CD74: variants seen among roughly 807,000 people sequenced by gnomAD.
CD74 encodes the protein CD74 molecule.
A neutral mutation model predicts 37.1 loss-of-function variants in CD74; 20 were observed. The ratio of observed to expected loss-of-function variants is 0.54; its 90% CI spans 0.38 to 0.78. CD74 has a LOEUF of 0.78. CD74 is among the 30% of genes least tolerant of loss of function. The pLI is 0.00. For missense variants in CD74, 338 were observed against 389.5 expected, an observed-to-expected ratio of 0.87 and a Z score of 1.11; for synonymous variants, 150 against 152.0, an observed-to-expected ratio of 0.99 and a Z score of 0.10.
rs566210014 is a variant in CD74, at chr5:150,402,156, G to T, written c.*84C>A. The T allele has an allele frequency of 4.8e-5, 74 of 1,557,338 alleles. No homozygotes were observed. Among genetic ancestry groups the T allele is most frequent in the Non-Finnish European group, 6.0e-5 (69 of 1,149,950 alleles). On this transcript the variant is annotated 3_prime_UTR_variant, in exon 9 of 9. Transcript: ENST00000009530. The surrounding 1 kb of genome is among the most constrained non-coding windows in gnomAD (Gnocchi z 4.2). ...TGGGATGAGGTACAGGGTGGGAGAT[G>T]GGGGAGGGGCTGGGGGCTGAAGGGA...
chr5:150,405,375 C>T (rs990018248), intron 4 of CD74, 195 bp from the exon 5 acceptor site: 17 of 1,286,734 alleles, frequency 1.3e-5, no homozygotes, highest in East Asian at 3.1e-5. Flanking sequence ...TGTTCAGCTA[C>T]GAGACTGCAG....
At chr5:150,409,829 A>C (rs1770235254) in intron 1 of CD74, among the ~76,000 whole-genome samples, 1 of 151,424 alleles carries the variant, frequency 6.6e-6, no homozygotes, top group Admixed American at 6.6e-5. Context: ...TTAAAGCGGC[A>C]CAAAACGGAC....
Position 150,412,060 on chromosome 5 carries a change from G to A in CD74, c.125+565C>T, listed in dbSNP as rs141426565. Among the ~76,000 whole-genome samples the A allele has an allele frequency of 7.6e-3, 1,163 of 152,296 alleles. 45 individuals carry two copies. In the South Asian group the frequency reaches 0.083, roughly 11 times the overall value. ...GCTCACTGCAACCTCTGCCTCCCAG[G>A]TTGAAGTGATTCTCATGTCTCAACC... is the stretch of plus-strand genomic sequence containing the variant. On this transcript the variant is annotated intron_variant, in intron 1 of 8. Transcript: ENST00000009530.
intron 1 of CD74, among the ~76,000 whole-genome samples, chr5:150,409,140 T>C (rs542820669): frequency 1.3e-4 from 19 of 151,936 alleles, no homozygotes; most frequent in Non-Finnish European, 2.5e-4. Flanking sequence ...GGAGAATCAC[T>C]TGAACCCGGG....
intron 1 of CD74, among the ~76,000 whole-genome samples, chr5:150,409,722 AC>A (rs1274829297): frequency 1.5e-4 from 19 of 125,550 alleles, no homozygotes; most frequent in East Asian, 3.3e-4. Flanking sequence ...AAAAAAAAAA[AC>A]AAGAAAGCCC....
rs370024998 is a variant in CD74, at chr5:150,404,775, G to A, written c.538-8C>T. 1.2e-5 allele frequency: 18 copies of A among 1,547,260 alleles called. No homozygotes were observed. The highest frequency in any genetic ancestry group is 1.7e-4 in the Middle Eastern group (1 of 5,980). ...CATCCAGCTCTCAAAGACCTAATAC[G>A]GATAGAGGTGGAGGTCAGGTTCGAT... On this transcript the variant is annotated splice_polypyrimidine_tract_variant and splice_region_variant and intron_variant, in intron 5 of 8. Coordinates refer to ENST00000009530, the MANE Select transcript of CD74 (RefSeq NM_001025159.3).
rs2151167610 is a variant in CD74 at position 150,402,653 on chromosome 5, C to T, written c.818-28G>A. 1.3e-6 allele frequency: 2 copies of T among 1,583,738 alleles called. No homozygotes were observed. The highest frequency in any genetic ancestry group is 1.7e-6 in the Non-Finnish European group (2 of 1,160,376). On this transcript the variant is annotated intron_variant, in intron 7 of 8. Transcript: ENST00000009530. The surrounding 1 kb of genome is among the most constrained non-coding windows in gnomAD (Gnocchi z 4.2). ...GCAAAGGAGCAGCAAGTCCGTTTGTCACTTGAAGTGCAGCCTACCTGACCC... is the reference window on the plus strand; with the variant it reads ...GCAAAGGAGCAGCAAGTCCGTTTGTTACTTGAAGTGCAGCCTACCTGACCC...
At chr5:150,410,557 G>A (rs1445494971) in intron 1 of CD74, among the ~76,000 whole-genome samples, 1 of 151,906 alleles carries the variant, frequency 6.6e-6, no homozygotes, top group Non-Finnish European at 1.5e-5. Context: ...TCGTAGTTAA[G>A]TTTAGCATCT....
intron 3 of CD74, 26 bp from the exon 4 acceptor site, chr5:150,406,347 AC>A: frequency 6.2e-7 from 1 of 1,600,260 alleles, no homozygotes; most frequent in Non-Finnish European, 8.6e-7. Flanking sequence ...ACAGAAGGTT[AC>A]CAGAGCTGGT....
In CD74 at chr5:150,405,192, C is replaced by G. The variant is rs377546567; in HGVS notation, c.442-12G>C. The G allele has an allele frequency of 3.8e-6, 6 of 1,580,700 alleles. No homozygotes were observed. Among genetic ancestry groups the G allele is most frequent in the Non-Finnish European group, 5.1e-6 (6 of 1,165,236 alleles). On this transcript the variant is annotated splice_polypyrimidine_tract_variant and intron_variant, in intron 4 of 8. Transcript: ENST00000009530. ...AGGGGGTCAGCATTCTACAGGGTAG[C>G]AGGGCAGGAAGGATGGTTCAAGAAG...
chr5:150,406,796 T>C, intron 3 of CD74, 85 bp downstream of exon 3: 1 of 936,024 alleles, frequency 1.1e-6, no homozygotes, highest in Non-Finnish European at 1.6e-6. Flanking sequence ...CCAGGTGGGC[T>C]CTCTTCCCTG....
rs761788303 is a variant in CD74, at chr5:150,412,799, A to G, written c.-50T>C. On this transcript the variant is annotated 5_prime_UTR_variant, in exon 1 of 9. Transcript: ENST00000009530. ...CCTCTTAAAGTCGGTGCTGGAGAGGAATCTGATTCGTCCACAGAAGGCCAC... is the reference window on the plus strand; with the variant it reads ...CCTCTTAAAGTCGGTGCTGGAGAGGGATCTGATTCGTCCACAGAAGGCCAC... 1 of 1,610,442 alleles carries G rather than the reference A, an allele frequency of 6.2e-7. No individual in the cohort carries two copies. Among genetic ancestry groups the G allele is most frequent in the Non-Finnish European group, 8.5e-7 (1 of 1,178,696 alleles).
Position 150,412,731 on chromosome 5 carries a change from T to C in CD74, c.19A>G (p.Arg7Gly), listed in dbSNP as rs1770423739. MHRRRSRSCREDQKPVM... is the reference protein window; with the variant it reads MHRRRSGSCREDQKPVM... ...GGCTTCTGATCTTCCCGACAGCTCCTGCTTCTCCTCCTGTGCATCTGGGAC... is the reference window on the plus strand; with the variant it reads ...GGCTTCTGATCTTCCCGACAGCTCCCGCTTCTCCTCCTGTGCATCTGGGAC... The change falls in exon 1 of 9, where the codon AGG (arginine) becomes GGG (glycine). Residue 7 changes from arginine to glycine, a missense_variant. By Grantham distance (125) the Arg-to-Gly change is moderately radical. Transcript: ENST00000009530. The C allele has an allele frequency of 6.2e-7, 1 of 1,614,090 alleles. No homozygotes were observed. The highest frequency in any genetic ancestry group is 1.7e-5 in the Admixed American group (1 of 60,026).
rs1770082319 is a variant in CD74, at chr5:150,407,920, AATT to A, written c.126-599_126-597del. On this transcript the variant is annotated intron_variant, in intron 1 of 8. Coordinates refer to ENST00000009530, the MANE Select transcript of CD74 (RefSeq NM_001025159.3). This position sits in a 1 kb window ranked among gnomAD's most constrained non-coding sequence, Gnocchi z 4.4. Reference sequence around the variant, plus strand: ...CAGGCACCCGCCACCACGCCTGGCTAATTATTTTGTATTTTTGATAGAGACGGG... The same window carrying A: ...CAGGCACCCGCCACCACGCCTGGCTAATTTTGTATTTTTGATAGAGACGGG... 6.6e-6 allele frequency among the ~76,000 whole-genome samples: 1 copy of A among 151,732 alleles called. No individual in the cohort carries two copies. Among genetic ancestry groups the A allele is most frequent in the African/African-American group, 2.4e-5 (1 of 41,298 alleles).
Position 150,401,764 on chromosome 5 carries a change from G to C in CD74, c.*476C>G, listed in dbSNP as rs1163847749. 8 of 603,384 alleles carry C rather than the reference G, an allele frequency of 1.3e-5. No homozygotes were observed. The highest frequency in any genetic ancestry group is 2.4e-5 in the Non-Finnish European group (8 of 338,266). 37.4% of individuals were successfully genotyped at this position (603,384 alleles called of 1,614,324 possible). On this transcript the variant is annotated 3_prime_UTR_variant, in exon 9 of 9. Transcript: ENST00000009530. ...GGGTGGAAAACATTGGCTCTTCCTT[G>C]GGGAGTGATGCTGGGGAAAGGGAAG...
chr5:150,408,520 C>A lies in CD74; in HGVS notation c.126-1196G>T, dbSNP rs548582770. ...GCCAAAGTATTTCAAATGGTAATAT[C>A]CATCCTGCAGGGGGTGGGCAGGAGT... On this transcript the variant is annotated intron_variant, in intron 1 of 8. Transcript: ENST00000009530. 7.2e-5 allele frequency among the ~76,000 whole-genome samples: 11 copies of A among 152,330 alleles called. No individual in the cohort carries two copies. In the South Asian group the frequency reaches 2.1e-3, roughly 29 times the overall value.
At chr5:150,404,956 T>C in intron 5 of CD74, 129 bp downstream of exon 5, 1 of 954,338 alleles carries the variant, frequency 1.0e-6, no homozygotes, top group Non-Finnish European at 1.6e-6. Context: ...ATCCAGGTTT[T>C]GGAAGTGCTG....
At position 150,403,075 on chromosome 5, in the gene CD74, C is replaced by G. The variant is rs1280075005; in HGVS notation, c.817+46G>C. Reference sequence around the variant, plus strand: ...GGGGACCTCTTGCCCCTCAACCTTCCTAGTCCTTCCTGGTCCTCTGACACT... The same window carrying G: ...GGGGACCTCTTGCCCCTCAACCTTCGTAGTCCTTCCTGGTCCTCTGACACT... On this transcript the variant is annotated intron_variant, in intron 7 of 8. Transcript: ENST00000009530. This position sits in a 1 kb window ranked among gnomAD's most constrained non-coding sequence, Gnocchi z 4.5. 5 of 1,545,062 alleles carry G rather than the reference C, an allele frequency of 3.2e-6. No individual in the cohort carries two copies. Among genetic ancestry groups the G allele is most frequent in the Non-Finnish European group, 4.4e-6 (5 of 1,134,540 alleles).
In CD74 at chr5:150,407,064, A is replaced by G; in HGVS notation, c.298+88T>C. The stretch of plus-strand genomic sequence containing the variant: ...GAATTCCAAACCGGAGGGAGAGGAC[A>G]GTGGGCCCAGCTGGGTGCAGGGATG... On this transcript the variant is annotated intron_variant, in intron 2 of 8. Transcript: ENST00000009530. The surrounding 1 kb of genome is among the most constrained non-coding windows in gnomAD (Gnocchi z 4.4). The G allele has an allele frequency of 6.5e-7, 1 of 1,533,474 alleles. No individual in the cohort carries two copies. Among genetic ancestry groups the G allele is most frequent in the Non-Finnish European group, 9.0e-7 (1 of 1,115,752 alleles). 95.0% of individuals were successfully genotyped at this position (1,533,474 alleles called of 1,614,324 possible).
Sources: gnomAD v4.1 joint callset for allele counts (sites outside exome capture counted in the v4.1 genomes callset) on GRCh38, gnomAD v4.1.1 for gene constraint, Gnocchi (gnomAD v3.1) non-coding constraint, MANE v1.5 for transcripts, NCBI Gene and HGNC (gene_info 2026-07-23, HGNC 2026-07-21) for gene names.